The following CCDC197 variants were observed in gnomAD, a reference collection of about 807,000 sequenced individuals.
CCDC197 encodes the protein coiled-coil domain containing 197, also known as uncharacterized protein CCDC197.
In CCDC197, 24 loss-of-function variants were observed where a neutral mutation model predicts 13.4. That is an observed-to-expected ratio of 1.80 (90% CI 1.30 to 2.53). CCDC197 has a LOEUF of 2.53. CCDC197 is among the 30% of genes most tolerant of loss of function. The pLI is 0.00. For synonymous variants in CCDC197, 99 were observed against 55.5 expected, an observed-to-expected ratio of 1.78 and a Z score of -3.48; for missense variants, 255 against 148.8, an observed-to-expected ratio of 1.71 and a Z score of -3.71.
At chr14:94,011,618 A>T (rs1052339991), downstream of CCDC197, among the ~76,000 whole-genome samples, 1 of 152,170 alleles carries the variant, frequency 6.6e-6, no homozygotes, top group Admixed American at 6.5e-5. Flanking sequence ...CACTTTTCTC[A>T]TAGGTTCTAT....
At chr14:93,995,110 T>A (rs979571252), upstream of CCDC197, among the ~76,000 whole-genome samples, 1 of 152,146 alleles carries the variant, frequency 6.6e-6, no homozygotes, top group Admixed American at 6.5e-5. Flanking sequence ...CACACAGACA[T>A]GAGTCACTCC....
At position 93,998,405 on chromosome 14, in the gene CCDC197, C is replaced by T. The variant is rs146381649; in HGVS notation, c.104+170C>T. Among the ~76,000 whole-genome samples the T allele has an allele frequency of 5.1e-3, 770 of 152,276 alleles. 5 individuals carry two copies. Among genetic ancestry groups the T allele is most frequent in the African/African-American group, 0.017 (725 of 41,554 alleles). ...GGGTGGGGCTGAGCAACAGCTGTGA[C>T]GGGAGAGAGAAGAGGTGTGGCTATT... On this transcript the variant is annotated intron_variant, in intron 2 of 6. Transcript: ENST00000636493.
At chr14:93,988,374 A>G (rs1314130462) in intron 1 of CCDC197, among the ~76,000 whole-genome samples, 3 of 58,324 alleles carry the variant, frequency 5.1e-5, no homozygotes, top group African/African-American at 1.5e-4. Flanking sequence ...CATGGGAGAG[A>G]GGACAAGAGA....
rs192062355 is a variant in CCDC197 at position 94,005,484 on chromosome 14, C to T, written c.615+513C>T. Among the ~76,000 whole-genome samples the T allele has an allele frequency of 4.5e-3, 681 of 152,312 alleles. 7 individuals carry two copies. The highest frequency in any genetic ancestry group is 0.016 in the African/African-American group (649 of 41,558). On this transcript the variant is annotated intron_variant, in intron 6 of 6. Coordinates refer to ENST00000636493, the MANE Select transcript of CCDC197 (RefSeq NM_001351596.2). ...CACCTTAAACTTCACACTGTCAGTCCACTGGGCTTCTTTCCTCACCGCCCC... is the reference window on the plus strand; with the variant it reads ...CACCTTAAACTTCACACTGTCAGTCTACTGGGCTTCTTTCCTCACCGCCCC...
chr14:93,987,906 G>T (rs758084896), intron 1 of CCDC197, among the ~76,000 whole-genome samples: 7 of 143,658 alleles, frequency 4.9e-5, no homozygotes, highest in Non-Finnish European at 9.1e-5. Flanking sequence ...CCCACAGGAG[G>T]TACAGCCTCA....
Position 93,999,286 on chromosome 14 carries a change from G to A in CCDC197, c.105-297G>A, listed in dbSNP as rs1030858825. 32 of 343,982 alleles carry A rather than the reference G, an allele frequency of 9.3e-5. No individual in the cohort carries two copies. In the Admixed American group the frequency reaches 1.1e-3, roughly 12 times the overall value. The allele number at this position is 343,982 out of a possible 1,614,324, so 21.3% of individuals were successfully genotyped here. On this transcript the variant is annotated intron_variant, in intron 2 of 6. Transcript: ENST00000636493. The stretch of plus-strand genomic sequence containing the variant: ...GGCAGCCACCTGCACAGCCTCCAGG[G>A]GAGGCACTGAAGACTCTGGCCAGAA...
downstream of CCDC197, among the ~76,000 whole-genome samples, chr14:94,010,023 T>C (rs1890782268): frequency 6.7e-6 from 1 of 150,170 alleles, no homozygotes; most frequent in Non-Finnish European, 1.5e-5. Flanking sequence ...AAAGAAAAGA[T>C]GCTGACTGTC....
upstream of CCDC197, among the ~76,000 whole-genome samples, chr14:93,992,582 T>C (rs1420005182): frequency 1.3e-5 from 2 of 152,146 alleles, no homozygotes; most frequent in Non-Finnish European, 2.9e-5. Context: ...ACACTGCCTC[T>C]TGGGAGGGCA....
chr14:93,994,070 C>T (rs144258620), upstream of CCDC197, among the ~76,000 whole-genome samples: 9 of 152,166 alleles, frequency 5.9e-5, no homozygotes, highest in East Asian at 1.9e-4. Context: ...AGAGCCAGGG[C>T]GGTGAAGAGG....
chr14:93,990,661 C>G (rs954570937), intron 1 of CCDC197, among the ~76,000 whole-genome samples: 2 of 152,160 alleles, frequency 1.3e-5, no homozygotes, highest in African/African-American at 2.4e-5. Flanking sequence ...GGGGGCAGCT[C>G]TGACAGATTG....
rs12436853 is a variant in CCDC197, at chr14:93,987,723, G to A, written c.-107+327G>A. Among the ~76,000 whole-genome samples the A allele has an allele frequency of 8.0e-4, 122 of 152,272 alleles. 2 individuals are homozygous for A. In the South Asian group the frequency reaches 0.013, roughly 17 times the overall value. On this transcript the variant is annotated intron_variant, in intron 1 of 7. Transcript: ENST00000640978. Reference sequence around the variant, plus strand: ...GGACTGCAGCAGCTTCCTAACGGGCGGGAGTGAGGCTTCAAAGAGGTAACA... The same window carrying A: ...GGACTGCAGCAGCTTCCTAACGGGCAGGAGTGAGGCTTCAAAGAGGTAACA...
chr14:94,006,569 C>T (rs1890686224), intron 6 of CCDC197, among the ~76,000 whole-genome samples: 2 of 152,006 alleles, frequency 1.3e-5, no homozygotes, highest in Admixed American at 1.3e-4. Flanking sequence ...GTTGGCCAGG[C>T]TGGTCTCGAA....
chr14:94,000,161 A>C (rs1488274506), intron 3 of CCDC197, among the ~76,000 whole-genome samples: 1 of 152,210 alleles, frequency 6.6e-6, no homozygotes, highest in Non-Finnish European at 1.5e-5. Context: ...GGGGAGTCAC[A>C]CATATTTATT....
intron 1 of CCDC197, among the ~76,000 whole-genome samples, chr14:93,992,065 T>C (rs1400288962): frequency 6.6e-6 from 1 of 152,230 alleles, no homozygotes; most frequent in African/African-American, 2.4e-5. Context: ...AAATCAGCCA[T>C]GGCGGGCGGA....
upstream of CCDC197, among the ~76,000 whole-genome samples, chr14:93,995,861 G>A (rs943863736): frequency 4.6e-5 from 7 of 152,120 alleles, no homozygotes; most frequent in African/African-American, 1.7e-4. Flanking sequence ...GACAGTCTCT[G>A]CTGCTGGCTG....
At position 93,998,027 on chromosome 14, in the gene CCDC197, A is replaced by C. The variant is rs1202401522; in HGVS notation, c.-105A>C. 2.8e-6 allele frequency: 2 copies of C among 703,990 alleles called. No individual in the cohort carries two copies. Among genetic ancestry groups the C allele is most frequent in the Non-Finnish European group, 5.2e-6 (2 of 381,766 alleles). 43.6% of individuals were successfully genotyped at this position (703,990 alleles called of 1,614,324 possible). ...GGGATGCTAACCCTGGCTTCCAAGGATCTGAAGAGGAAGCTGCGGCTGTGA... is the reference window on the plus strand; with the variant it reads ...GGGATGCTAACCCTGGCTTCCAAGGCTCTGAAGAGGAAGCTGCGGCTGTGA... On this transcript the variant is annotated 5_prime_UTR_variant, in exon 2 of 7. Transcript: ENST00000636493.
chr14:93,989,115 T>G (rs527748032), intron 1 of CCDC197, among the ~76,000 whole-genome samples: 1 of 151,888 alleles, frequency 6.6e-6, no homozygotes, highest in Non-Finnish European at 1.5e-5. Flanking sequence ...AATGAACACA[T>G]GGGTAAATAG....
upstream of CCDC197, among the ~76,000 whole-genome samples, chr14:93,996,272 A>T (rs1890299535): frequency 6.7e-6 from 1 of 148,860 alleles, no homozygotes; most frequent in Admixed American, 6.6e-5. Context: ...GGTGCTCAGC[A>T]CATAAGCGAG....
chr14:94,002,171 G>C (rs1890536261), intron 4 of CCDC197, among the ~76,000 whole-genome samples: 1 of 152,196 alleles, frequency 6.6e-6, no homozygotes, highest in African/African-American at 2.4e-5. Flanking sequence ...TTCGAGGGGA[G>C]GAAAGTAAGC....
Sources: gnomAD v4.1 joint callset for allele counts (sites outside exome capture counted in the v4.1 genomes callset) on GRCh38, gnomAD v4.1.1 for gene constraint, MANE v1.5 for transcripts, NCBI Gene and HGNC (gene_info 2026-07-23, HGNC 2026-07-21) for gene names.